FHIT: variants seen among roughly 807,000 people sequenced by gnomAD.
FHIT encodes the protein bis(5'-adenosyl)-triphosphatase.
In FHIT, 19 loss-of-function variants were observed where a neutral mutation model predicts 17.9. The ratio of observed to expected loss-of-function variants is 1.06; its 90% confidence interval spans 0.74 to 1.56. The LOEUF is 1.56. Ranked by LOEUF, FHIT falls within the 40% of genes most tolerant of loss-of-function variation. The pLI is 0.00. For synonymous variants in FHIT, 81 were observed against 69.7 expected, an observed-to-expected ratio of 1.16 and a Z score of -0.81; for missense variants, 248 against 189.2, an observed-to-expected ratio of 1.31 and a Z score of -1.82.
chr3:60,246,740 C>T (rs192392880), intron 5 of FHIT, among the ~76,000 whole-genome samples: 32 of 152,232 alleles, frequency 2.1e-4, no homozygotes, highest in Admixed American at 2.1e-3. Context: ...TTGGAATTTA[C>T]CAATTACAAA....
chr3:60,341,992 A>C (rs1559836200), intron 5 of FHIT, among the ~76,000 whole-genome samples: 1 of 152,122 alleles, frequency 6.6e-6, no homozygotes, highest in East Asian at 1.9e-4. Flanking sequence ...TTGGGTGAAA[A>C]AGAAAAAAGA....
At chr3:59,854,846 T>C (rs561459896) in intron 8 of FHIT, among the ~76,000 whole-genome samples, 1 of 152,302 alleles carries the variant, frequency 6.6e-6, no homozygotes, top group East Asian at 1.9e-4. Flanking sequence ...TTGGTATTAA[T>C]AGGAGGCTAA....
At chr3:60,133,644 G>A (rs1699689924) in intron 5 of FHIT, among the ~76,000 whole-genome samples, 1 of 151,892 alleles carries the variant, frequency 6.6e-6, no homozygotes, top group African/African-American at 2.4e-5. Context: ...CACCTACATG[G>A]TCTGCTGTAC....
chr3:60,487,743 A>G (rs2033902103), intron 5 of FHIT, among the ~76,000 whole-genome samples: 1 of 152,190 alleles, frequency 6.6e-6, no homozygotes, highest in Non-Finnish European at 1.5e-5. Flanking sequence ...CAAAATAGTA[A>G]GTCCTGAGTT....
intron 8 of FHIT, among the ~76,000 whole-genome samples, chr3:59,829,802 T>C (rs1405631224): frequency 1.3e-5 from 2 of 152,110 alleles, no homozygotes; most frequent in Admixed American, 6.5e-5. Context: ...GTCAGAATTA[T>C]ACAATACAGA....
chr3:60,843,289 G>GT (rs1702802002), intron 3 of FHIT, among the ~76,000 whole-genome samples: 2 of 151,920 alleles, frequency 1.3e-5, no homozygotes, highest in Admixed American at 1.3e-4. Context: ...CATACGACAG[G>GT]TTTTTTTCTC....
intron 5 of FHIT, among the ~76,000 whole-genome samples, chr3:60,433,961 G>T (rs1232522908): frequency 1.3e-5 from 2 of 152,002 alleles, no homozygotes; most frequent in Admixed American, 1.3e-4. Flanking sequence ...TGTGATTTCG[G>T]TGTCCTATCC....
intron 4 of FHIT, among the ~76,000 whole-genome samples, chr3:60,785,159 T>G (rs574549231): frequency 5.9e-5 from 9 of 152,292 alleles, no homozygotes; most frequent in African/African-American, 2.2e-4. Flanking sequence ...AAAGCTAGAA[T>G]TCTTGATAAG....
At chr3:60,914,205 G>A (rs781824825) in intron 3 of FHIT, among the ~76,000 whole-genome samples, 6 of 152,050 alleles carry the variant, frequency 3.9e-5, no homozygotes, top group Non-Finnish European at 5.9e-5. Flanking sequence ...GGTCCCATTG[G>A]GAGCATAAGG....
chr3:60,451,161 AT>A (rs1455348734), intron 5 of FHIT, among the ~76,000 whole-genome samples: 1 of 93,750 alleles, frequency 1.1e-5, no homozygotes, highest in African/African-American at 4.8e-5. Context: ...TTTTTACTTT[AT>A]TTTTTTTAAC....
intron 5 of FHIT, among the ~76,000 whole-genome samples, chr3:60,316,231 GTC>G (rs1253023458): frequency 6.6e-6 from 1 of 152,094 alleles, no homozygotes; most frequent in Non-Finnish European, 1.5e-5. Flanking sequence ...GTATGTGTGT[GTC>G]AAAATAATAT....
At chr3:60,366,433 C>T (rs1442554096) in intron 5 of FHIT, among the ~76,000 whole-genome samples, 2 of 152,112 alleles carry the variant, frequency 1.3e-5, no homozygotes, top group African/African-American at 4.8e-5. Context: ...CCTGCTAACC[C>T]CTTTTCACAT....
Position 59,983,813 on chromosome 3 carries a change from A to G in FHIT, c.279+27558T>C, listed in dbSNP as rs578198025. Among the ~76,000 whole-genome samples, 3 of 152,218 alleles carry G rather than the reference A, an allele frequency of 2.0e-5. No homozygotes were observed. In the South Asian group the frequency reaches 6.2e-4, roughly 32 times the overall value. On this transcript the variant is annotated intron_variant, in intron 7 of 9. Coordinates refer to ENST00000492590, the MANE Select transcript of FHIT (RefSeq NM_002012.4). ...AGAAAATCCCTATATTAGCAAAGAC[A>G]GGGACCTGATTTGGTCAAGTCTCCA... is the stretch of plus-strand genomic sequence containing the variant.
At chr3:60,458,069 C>A (rs1484862800) in intron 5 of FHIT, among the ~76,000 whole-genome samples, 54 of 152,248 alleles carry the variant, frequency 3.5e-4, no homozygotes, top group Non-Finnish European at 3.8e-4. Flanking sequence ...TTGACCCAGC[C>A]ATCCCATTAC....
intron 5 of FHIT, among the ~76,000 whole-genome samples, chr3:60,355,742 TGACA>T (rs559412131): frequency 1.9e-3 from 288 of 152,312 alleles, no homozygotes; most frequent in African/African-American, 6.6e-3. Context: ...AAATTTATCT[TGACA>T]AATAGATGAC....
chr3:60,572,038 G>A (rs1033083600), intron 4 of FHIT, among the ~76,000 whole-genome samples: 11 of 151,658 alleles, frequency 7.3e-5, no homozygotes, highest in African/African-American at 2.7e-4. Flanking sequence ...TTTTTTTGGG[G>A]GGGAAGATTT....
chr3:60,701,225 G>A (rs528912154), intron 4 of FHIT, among the ~76,000 whole-genome samples: 3 of 151,340 alleles, frequency 2.0e-5, no homozygotes, highest in Non-Finnish European at 4.4e-5. Context: ...CCTGGCTCTG[G>A]TGATCCTCCA....
rs565438377 is a variant in FHIT, at chr3:60,461,583, G to A, written c.103+75277C>T. 2.8e-4 allele frequency among the ~76,000 whole-genome samples: 42 copies of A among 152,260 alleles called. 1 individual carries two copies. Among genetic ancestry groups the A allele is most frequent in the African/African-American group, 9.1e-4 (38 of 41,542 alleles). The stretch of plus-strand genomic sequence containing the variant: ...TTCTCTCCAACGCTGTACAGACAAC[G>A]CAGCTGTCCCTGACATCACCACTTG... On this transcript the variant is annotated intron_variant, in intron 5 of 9. Coordinates refer to ENST00000492590, the MANE Select transcript of FHIT (RefSeq NM_002012.4).
intron 2 of FHIT, among the ~76,000 whole-genome samples, chr3:61,059,128 A>G (rs912510516): frequency 6.6e-6 from 1 of 152,230 alleles, no homozygotes; most frequent in African/African-American, 2.4e-5. Flanking sequence ...ACTATTTGTT[A>G]TGCTGTTAGC....
Sources: gnomAD v4.1 joint callset for allele counts (sites outside exome capture counted in the v4.1 genomes callset) on GRCh38, gnomAD v4.1.1 for gene constraint, MANE v1.5 for transcripts, NCBI Gene and HGNC (gene_info 2026-07-23, HGNC 2026-07-21) for gene names.